Variants in FKBP15 observed in about 807,000 individuals in gnomAD.
The protein encoded by FKBP15 is FK506-binding protein 15.
A neutral mutation model predicts 158.1 loss-of-function variants in FKBP15; 106 were observed. The observed-to-expected ratio is 0.67, with a 90% CI of 0.57 to 0.79. The LOEUF is 0.79. FKBP15 is among the 30% of genes least tolerant of loss of function. The probability of loss-of-function intolerance (pLI) is 0.00; values close to 1 mark genes in which losing one functional copy is unlikely to be tolerated. For synonymous variants in FKBP15, 547 were observed against 548.6 expected (o/e 1.00, Z 0.04); for missense variants, 1,287 against 1,479.1 (o/e 0.87, Z 2.13).
rs16912528 is a variant in FKBP15 at position 113,187,967 on chromosome 9, C to G, written c.1277-68G>C. ...TCTTGGTGTGAGTCTAGACTAGCACCTTACATACTATCATGCTTCAGACTC... is the reference window on the plus strand; with the variant it reads ...TCTTGGTGTGAGTCTAGACTAGCACGTTACATACTATCATGCTTCAGACTC... On this transcript the variant is annotated intron_variant, in intron 13 of 27. Transcript: ENST00000238256. The G allele has an allele frequency of 4.1e-3, 4,493 of 1,109,074 alleles. 141 individuals are homozygous for G. The African/African-American group carries it at 0.062, about 15-fold the overall frequency. 68.7% of individuals were successfully genotyped at this position (1,109,074 alleles called of 1,614,324 possible).
At chr9:113,186,863 A>G (rs1405097323) in intron 14 of FKBP15, 1 of 155,580 alleles carries the variant, frequency 6.4e-6, no homozygotes, top group African/African-American at 2.4e-5. Context: ...TAAGAGGAAG[A>G]TAATAATATC....
At chr9:113,195,865 G>A (rs530302033) in intron 9 of FKBP15, among the ~76,000 whole-genome samples, 1 of 152,032 alleles carries the variant, frequency 6.6e-6, no homozygotes, top group African/African-American at 2.4e-5. Flanking sequence ...AAAACTTTCT[G>A]AACTCCATTT....
Position 113,178,803 on chromosome 9 carries a change from T to C in FKBP15, c.1915-2A>G. The C allele has an allele frequency of 6.2e-7, 1 of 1,600,080 alleles. No individual in the cohort carries two copies. The highest frequency in any genetic ancestry group is 1.7e-5 in the Admixed American group (1 of 57,716). On this transcript the variant is annotated splice_acceptor_variant, in intron 19 of 27. Transcript: ENST00000238256. LOFTEE classifies it high-confidence loss of function. Reference sequence around the variant, plus strand: ...TGCTAACTCCTCTGTCACCTTGGCCTGAATAATAACAAAGTATGATGTCAC... The same window carrying C: ...TGCTAACTCCTCTGTCACCTTGGCCCGAATAATAACAAAGTATGATGTCAC...
rs751853496 is a variant in FKBP15 at position 113,174,459 on chromosome 9, C to T, written c.2348G>A (p.Arg783Gln). The T allele has an allele frequency of 1.5e-5, 25 of 1,613,810 alleles. No individual in the cohort carries two copies. Among genetic ancestry groups the T allele is most frequent in the African/African-American group, 1.2e-4 (9 of 74,918 alleles). Reference sequence around the variant, plus strand: ...TGCAGCTGCTTGGTCTGTGGACACTCGAGTCTTTTTCAAGAGCTGTCGAAG... The same window carrying T: ...TGCAGCTGCTTGGTCTGTGGACACTTGAGTCTTTTTCAAGAGCTGTCGAAG... ...DKLRQLLKKT[R>Q]VSTDQAAAEQ... The change falls in exon 22 of 28, where the codon CGA becomes CAA. Residue 783 changes from arginine to glutamine, a missense_variant. Coordinates refer to ENST00000238256, the MANE Select transcript of FKBP15 (RefSeq NM_015258.2).
chr9:113,183,732 G>C lies in FKBP15; in HGVS notation c.1811+19C>G. On this transcript the variant is annotated intron_variant, in intron 18 of 27. Coordinates refer to ENST00000238256, the MANE Select transcript of FKBP15 (RefSeq NM_015258.2). ...AAACCCTTTTGTCCATCCTAGCCAG[G>C]CCCCGTACCTGTCATTACCTCTGAT... The C allele has an allele frequency of 6.4e-7, 1 of 1,559,374 alleles. No homozygotes were observed. The highest frequency in any genetic ancestry group is 8.8e-7 in the Non-Finnish European group (1 of 1,130,806).
At chr9:113,173,052 TTCC>T (rs1207722174) in intron 23 of FKBP15, among the ~76,000 whole-genome samples, 3 of 152,216 alleles carry the variant, frequency 2.0e-5, no homozygotes, top group Non-Finnish European at 4.4e-5. Flanking sequence ...TCCTGGGTAC[TTCC>T]TCTTCTGGGC....
In FKBP15 at chr9:113,184,283, C is replaced by T. The variant is rs368176038; in HGVS notation, c.1716+9G>A. 326 of 1,573,928 alleles carry T rather than the reference C, an allele frequency of 2.1e-4. 4 individuals are homozygous for T. The highest frequency in any genetic ancestry group is 1.9e-4 in the Non-Finnish European group (223 of 1,154,796). ...TCAGCCTGAGTGGTATGTTCTTAAT[C>T]ACCCTCACCTGAATGATTCGCTGGA... On this transcript the variant is annotated intron_variant, in intron 17 of 27. Transcript: ENST00000238256. This position sits in a 1 kb window ranked among gnomAD's most constrained non-coding sequence, Gnocchi z 4.5.
At chr9:113,221,067 CG>C (rs1255369084) in intron 1 of FKBP15, 123 bp downstream of exon 1, 14 of 1,051,240 alleles carry the variant, frequency 1.3e-5, no homozygotes, top group Non-Finnish European at 1.8e-5. Flanking sequence ...TGTAGAGCAC[CG>C]GAATGTGGCA....
At chr9:113,206,399 A>G in intron 4 of FKBP15, 110 bp downstream of exon 4, 2 of 809,656 alleles carry the variant, frequency 2.5e-6, no homozygotes, top group Non-Finnish European at 4.2e-6. Flanking sequence ...CAATACAAAT[A>G]ATCATCCTTA....
intron 19 of FKBP15, among the ~76,000 whole-genome samples, chr9:113,182,384 T>C (rs2118885161): frequency 6.6e-6 from 1 of 152,316 alleles, no homozygotes; most frequent in East Asian, 1.9e-4. Flanking sequence ...CAGTAGTACT[T>C]TAAAATGCTT....
chr9:113,206,080 T>C (rs1830880715), intron 4 of FKBP15: 1 of 158,702 alleles, frequency 6.3e-6, no homozygotes, highest in Non-Finnish European at 1.4e-5. Flanking sequence ...ATAGTAGTGA[T>C]GGTTGCTCAA....
chr9:113,168,788 C>T (rs1042742600), intron 26 of FKBP15, among the ~76,000 whole-genome samples: 38 of 152,334 alleles, frequency 2.5e-4, no homozygotes, highest in African/African-American at 8.7e-4. Flanking sequence ...ATGTGACCTT[C>T]TCAGAATCCT....
At chr9:113,188,010 A>G (rs1218786243) in intron 13 of FKBP15, 111 bp from the exon 14 acceptor site, 7 of 798,230 alleles carry the variant, frequency 8.8e-6, no homozygotes, top group Admixed American at 2.3e-5. Flanking sequence ...TTCCTTGCCT[A>G]GTCTCCCTAC....
At chr9:113,210,331 G>A (rs1291729608) in intron 2 of FKBP15, among the ~76,000 whole-genome samples, 1 of 94,656 alleles carries the variant, frequency 1.1e-5, no homozygotes, top group African/African-American at 3.9e-5. Flanking sequence ...AGTTGTGATG[G>A]CTTTTTTTTT....
Position 113,164,477 on chromosome 9 carries a change from G to A in FKBP15, c.*1601C>T, listed in dbSNP as rs919423736. On this transcript the variant is annotated 3_prime_UTR_variant, in exon 28 of 28. Coordinates refer to ENST00000238256, the MANE Select transcript of FKBP15 (RefSeq NM_015258.2). Reference sequence around the variant, plus strand: ...TTACTCAGCATCTTCTCTCCCTGCGGGCAGAAGCAAATATAATAGCCACTA... The same window carrying A: ...TTACTCAGCATCTTCTCTCCCTGCGAGCAGAAGCAAATATAATAGCCACTA... 8 of 152,230 alleles carry A rather than the reference G, an allele frequency of 5.3e-5. No individual in the cohort carries two copies. The highest frequency in any genetic ancestry group is 3.3e-4 in the Admixed American group (5 of 15,290). The allele number at this position is 152,230 out of a possible 1,614,324, so 9.4% of individuals were successfully genotyped here.
chr9:113,182,538 A>G (rs1185721405), intron 19 of FKBP15, among the ~76,000 whole-genome samples: 2 of 152,226 alleles, frequency 1.3e-5, no homozygotes, highest in Non-Finnish European at 2.9e-5. Flanking sequence ...ATTCTTAACT[A>G]ATCAAATTAC....
intron 26 of FKBP15, 102 bp downstream of exon 26, chr9:113,169,122 G>C: frequency 7.1e-7 from 1 of 1,414,554 alleles, no homozygotes; most frequent in East Asian, 2.4e-5. Context: ...GAAGACATGA[G>C]TAAATTAGTC....
At chr9:113,166,265 G>A in intron 27 of FKBP15, 110 bp from the exon 28 acceptor site, 1 of 999,088 alleles carries the variant, frequency 1.0e-6, no homozygotes, top group Non-Finnish European at 1.5e-6. Flanking sequence ...GGTCAGAAAG[G>A]AGGTTGTACT....
At chr9:113,178,558 G>T in intron 20 of FKBP15, 72 bp downstream of exon 20, 3 of 1,455,926 alleles carry the variant, frequency 2.1e-6, no homozygotes, top group South Asian at 1.4e-5. Flanking sequence ...CAAAAAAATT[G>T]AGAGGAAGAA....
Sources: gnomAD v4.1 joint callset for allele counts (sites outside exome capture counted in the v4.1 genomes callset) on GRCh38, gnomAD v4.1.1 for gene constraint, Gnocchi (gnomAD v3.1) non-coding constraint, MANE v1.5 for transcripts, NCBI Gene and HGNC (gene_info 2026-07-23, HGNC 2026-07-21) for gene names.